Variants in TXN2 observed in about 807,000 individuals in gnomAD.
The protein encoded by TXN2 is thioredoxin, mitochondrial.
Under a neutral mutation model 14.6 loss-of-function variants are expected in TXN2, and 12 were observed. That is an observed-to-expected ratio of 0.82 (90% CI 0.53 to 1.33). TXN2 has a LOEUF of 1.33. Ranked by LOEUF, TXN2 falls within the 40% of genes most tolerant of loss-of-function variation. The pLI, the probability that TXN2 is intolerant of heterozygous loss-of-function variation, is 0.00. For missense variants in TXN2, 173 were observed against 207.7 expected (o/e 0.83, Z 1.03); for synonymous variants, 89 against 81.0 (o/e 1.10, Z -0.53).
intron 3 of TXN2, among the ~76,000 whole-genome samples, chr22:36,470,781 T>TAAAAAA (rs34939764): frequency 1.5e-5 from 2 of 136,580 alleles, no homozygotes; most frequent in Non-Finnish European, 3.2e-5. Flanking sequence ...ATAAAAATAT[T>TAAAAAA]AAAAAAAAAA....
chr22:36,470,464 C>T (rs546680190), intron 3 of TXN2, among the ~76,000 whole-genome samples: 10 of 152,340 alleles, frequency 6.6e-5, no homozygotes, highest in Admixed American at 5.9e-4. Context: ...GCCTCAAAGC[C>T]GGAGCCTCTT....
chr22:36,467,770 C>G lies in TXN2; in HGVS notation c.*34G>C, dbSNP rs180857307. ...AGGGCTGAGTTCTATTGGGGTCCCA[C>G]GCGGGCAAGGGAACCAGGACTCATC... On this transcript the variant is annotated 3_prime_UTR_variant, in exon 4 of 4. Transcript: ENST00000216185. 153 of 1,566,650 alleles carry G rather than the reference C, an allele frequency of 9.8e-5. 2 individuals carry two copies. In the South Asian group the frequency reaches 1.2e-3, roughly 12 times the overall value.
intron 3 of TXN2, among the ~76,000 whole-genome samples, chr22:36,469,518 A>G (rs1379082075): frequency 6.6e-6 from 1 of 152,152 alleles, no homozygotes; most frequent in East Asian, 1.9e-4. Flanking sequence ...TTGGTCTGTG[A>G]AGCATTTACT....
intron 3 of TXN2, among the ~76,000 whole-genome samples, chr22:36,471,441 G>C (rs1933272691): frequency 1.3e-5 from 2 of 152,192 alleles, no homozygotes; most frequent in South Asian, 4.1e-4. Flanking sequence ...TGTTAACTCA[G>C]CTAAGGGCCT....
intron 3 of TXN2, among the ~76,000 whole-genome samples, chr22:36,474,869 C>T (rs779605566): frequency 4.6e-5 from 7 of 152,224 alleles, no homozygotes; most frequent in Non-Finnish European, 1.0e-4. Context: ...CCCCTTTCTC[C>T]AGGTAGTGGT....
chr22:36,475,983 G>A (rs1033301889), intron 3 of TXN2, among the ~76,000 whole-genome samples: 44 of 152,092 alleles, frequency 2.9e-4, no homozygotes, highest in Non-Finnish European at 4.4e-4. Context: ...TCCTTTATGC[G>A]CCTCTTCTTT....
Position 36,480,603 on chromosome 22 carries a change from TCTCA to T in TXN2, c.231_234del (p.Ser77ArgfsTer23). 2 of 1,614,050 alleles carry T rather than the reference TCTCA, an allele frequency of 1.2e-6. No individual in the cohort carries two copies. Among genetic ancestry groups the T allele is most frequent in the Non-Finnish European group, 1.7e-6 (2 of 1,180,022 alleles). On this transcript the variant is annotated frameshift_variant, in exon 2 of 4. Transcript: ENST00000216185. LOFTEE classifies it high-confidence loss of function. ...GCGTGGAAATCCACAACCACTGGTG[TCTCA>T]CTGTTGACCACTCGGTCTTGAAAGT...
In TXN2 at chr22:36,467,870, C is replaced by T; in HGVS notation, c.435G>A (p.Val145=). The change falls in exon 4 of 4, where the codon GTG becomes GTA. Residue 145 remains valine, a synonymous_variant. Coordinates refer to ENST00000216185, the MANE Select transcript of TXN2 (RefSeq NM_012473.4). ...TVLAMKNGDV[V]DKFVGIKDED... ...CATCCTTGATGCCCACAAACTTGTCCACCACGTCCCCATTCTTCATGGCCA... is the reference window on the plus strand; with the variant it reads ...CATCCTTGATGCCCACAAACTTGTCTACCACGTCCCCATTCTTCATGGCCA... 1.2e-6 allele frequency: 2 copies of T among 1,614,222 alleles called. No homozygotes were observed. The highest frequency in any genetic ancestry group is 1.7e-6 in the Non-Finnish European group (2 of 1,180,040).
intron 3 of TXN2, among the ~76,000 whole-genome samples, chr22:36,469,684 T>C (rs559731053): frequency 6.6e-6 from 1 of 152,286 alleles, no homozygotes; most frequent in East Asian, 1.9e-4. Context: ...GGCCGGTCGC[T>C]GTGGCTCACG....
chr22:36,469,113 G>A (rs1262983406), intron 3 of TXN2, among the ~76,000 whole-genome samples: 2 of 152,162 alleles, frequency 1.3e-5, no homozygotes, highest in Non-Finnish European at 2.9e-5. Flanking sequence ...GACGCAATCC[G>A]GCTCCTACCA....
chr22:36,471,182 T>C (rs1030762527), intron 3 of TXN2, among the ~76,000 whole-genome samples: 8 of 151,964 alleles, frequency 5.3e-5, no homozygotes, highest in African/African-American at 1.9e-4. Context: ...ATGTTTTGAG[T>C]GTGAAAGAGG....
chr22:36,469,564 C>T (rs1490755387), intron 3 of TXN2, among the ~76,000 whole-genome samples: 14 of 152,136 alleles, frequency 9.2e-5, no homozygotes, highest in Admixed American at 9.2e-4. Context: ...TTATGTGGAA[C>T]GTGGATGAGG....
In TXN2 at chr22:36,480,854, C is replaced by A; in HGVS notation, c.1-17G>T. On this transcript the variant is annotated splice_polypyrimidine_tract_variant and intron_variant, in intron 1 of 3. Coordinates refer to ENST00000216185, the MANE Select transcript of TXN2 (RefSeq NM_012473.4). ...CTGAGCCATCTGTGAGGGAAAGAGG[C>A]AGAAGAACTGGGGCACACAAAAGGA... 2 of 1,538,008 alleles carry A rather than the reference C, an allele frequency of 1.3e-6. No individual in the cohort carries two copies. Among genetic ancestry groups the A allele is most frequent in the Non-Finnish European group, 1.8e-6 (2 of 1,141,832 alleles).
intron 3 of TXN2, among the ~76,000 whole-genome samples, chr22:36,475,615 G>A (rs926179461): frequency 5.9e-5 from 9 of 152,118 alleles, no homozygotes; most frequent in African/African-American, 2.2e-4. Context: ...TTGTAGCAGC[G>A]ACCACTGCCC....
At chr22:36,479,643 G>A (rs1933458466) in intron 2 of TXN2, among the ~76,000 whole-genome samples, 1 of 152,008 alleles carries the variant, frequency 6.6e-6, no homozygotes, top group African/African-American at 2.4e-5. Flanking sequence ...GAAGGCCCCT[G>A]AATTTTTAAC....
At chr22:36,470,614 C>G (rs1933253126) in intron 3 of TXN2, among the ~76,000 whole-genome samples, 1 of 152,094 alleles carries the variant, frequency 6.6e-6, no homozygotes, top group Non-Finnish European at 1.5e-5. Context: ...TGAAGAGGCT[C>G]AGAGAGTGGA....
chr22:36,476,841 G>A lies in TXN2; in HGVS notation c.279C>T (p.Cys93=). 6.2e-7 allele frequency: 1 copy of A among 1,614,168 alleles called. No individual in the cohort carries two copies. Among genetic ancestry groups the A allele is most frequent in the Non-Finnish European group, 8.5e-7 (1 of 1,180,032 alleles). ...VDFHAQWCGP[C]KILGPRLEKM... is the part of the protein sequence containing the mutation. The stretch of plus-strand genomic sequence containing the variant: ...TCTCTAACCTCGGCCCCAGGATCTT[G>A]CAGGGTCCACACCACCTCAAAAGGC... Residue 93 remains cysteine (C), a synonymous_variant, in exon 3 of 4, where the codon TGC becomes TGT. Coordinates refer to ENST00000216185, the MANE Select transcript of TXN2 (RefSeq NM_012473.4).
chr22:36,469,831 C>A (rs1457317942), intron 3 of TXN2, among the ~76,000 whole-genome samples: 1 of 152,076 alleles, frequency 6.6e-6, no homozygotes, highest in African/African-American at 2.4e-5. Flanking sequence ...TGGGGCATGC[C>A]TATAGTCCCA....
At chr22:36,470,882 A>G (rs896171751) in intron 3 of TXN2, among the ~76,000 whole-genome samples, 2 of 152,136 alleles carry the variant, frequency 1.3e-5, no homozygotes, top group African/African-American at 4.8e-5. Flanking sequence ...GGTGTCAGGT[A>G]GACAGCAGAT....
Sources: gnomAD v4.1 joint callset for allele counts (sites outside exome capture counted in the v4.1 genomes callset) on GRCh38, gnomAD v4.1.1 for gene constraint, MANE v1.5 for transcripts, NCBI Gene and HGNC (gene_info 2026-07-23, HGNC 2026-07-21) for gene names.